Variants in METAP1 observed in about 807,000 individuals in gnomAD.
The protein encoded by METAP1 is methionine aminopeptidase 1.
In METAP1, 28 loss-of-function variants were observed where a neutral mutation model predicts 53.8. The ratio of observed to expected loss-of-function variants is 0.52; its 90% CI spans 0.39 to 0.71. The LOEUF (loss-of-function observed/expected upper bound fraction) is 0.71, where lower values mean the gene tolerates loss of function less well. Ranked by LOEUF, METAP1 falls within the 30% of genes least tolerant of loss-of-function variation. The pLI, the probability that METAP1 is intolerant of heterozygous loss-of-function variation, is 0.00. For synonymous variants in METAP1, 181 were observed against 165.7 expected (o/e 1.09, Z -0.71); for missense variants, 389 against 479.8 (o/e 0.81, Z 1.77).
At chr4:99,014,852 C>A (rs993172462) in intron 1 of METAP1, among the ~76,000 whole-genome samples, 1 of 152,160 alleles carries the variant, frequency 6.6e-6, no homozygotes, top group African/African-American at 2.4e-5. Context: ...GCCTTACCTC[C>A]CTGCATCCTG....
chr4:99,023,016 G>A, intron 1 of METAP1: 1 of 1,448,054 alleles, frequency 6.9e-7, no homozygotes, highest in Non-Finnish European at 9.3e-7. Context: ...CCCGCTTCTT[G>A]CTGCCACAGG....
rs1422026299 is a variant in METAP1 at position 99,039,128 on chromosome 4, T to C, written c.341-246T>C. On this transcript the variant is annotated intron_variant, in intron 4 of 10. Transcript: ENST00000296411. ...GCATATAATAAGTACTCTATAAGTA[T>C]TGGCTGATTTCTAATAGGTCTGAAA... is the stretch of plus-strand genomic sequence containing the variant. 2.3e-5 allele frequency: 8 copies of C among 349,682 alleles called. No homozygotes were observed. The East Asian group carries it at 3.7e-4, about 16-fold the overall frequency. 21.7% of individuals were successfully genotyped at this position (349,682 alleles called of 1,614,324 possible).
At chr4:99,043,144 A>G in intron 6 of METAP1, 105 bp from the exon 7 acceptor site, 2 of 781,244 alleles carry the variant, frequency 2.6e-6, no homozygotes, top group Non-Finnish European at 4.0e-6. Flanking sequence ...AGTTCTTCAT[A>G]GTAGCATGTG....
chr4:99,057,890 G>A lies in METAP1; in HGVS notation c.997+72G>A, dbSNP rs930411270. 8.3e-6 allele frequency: 11 copies of A among 1,331,544 alleles called. No homozygotes were observed. The African/African-American group carries it at 1.6e-4, about 19-fold the overall frequency. 82.5% of individuals were successfully genotyped at this position (1,331,544 alleles called of 1,614,324 possible). On this transcript the variant is annotated intron_variant, in intron 10 of 10. Coordinates refer to ENST00000296411, the MANE Select transcript of METAP1 (RefSeq NM_015143.3). ...ATTTTAGGTAATTCATCATGTCAGT[G>A]GTCTTTTCTACCTGCTTGCTTTTTG...
At chr4:99,001,058 G>A (rs375649333) in intron 1 of METAP1, among the ~76,000 whole-genome samples, 23 of 152,298 alleles carry the variant, frequency 1.5e-4, no homozygotes, top group African/African-American at 5.3e-4. Flanking sequence ...AGGAATTGCC[G>A]TTATAACATG....
chr4:99,007,442 A>G (rs1420851832), intron 1 of METAP1, among the ~76,000 whole-genome samples: 1 of 151,902 alleles, frequency 6.6e-6, no homozygotes, highest in Non-Finnish European at 1.5e-5. Context: ...GAGAGTATGC[A>G]TTTTCTCAAC....
In METAP1 at chr4:98,995,798, C is replaced by T; in HGVS notation, c.45C>T (p.Ser15=). The stretch of plus-strand genomic sequence containing the variant: ...GGGTGTGCGAGACAGACGGCTGCAG[C>T]AGTGAGGCCAAGCTCCAGTGTCCCA... ...ETRVCETDGC[S]SEAKLQCPTC... is the part of the protein sequence containing the mutation. The change falls in exon 1 of 11, where the codon AGC becomes AGT. Residue 15 remains serine (S), a synonymous_variant. Coordinates refer to ENST00000296411, the MANE Select transcript of METAP1 (RefSeq NM_015143.3). 6.5e-7 allele frequency: 1 copy of T among 1,546,826 alleles called. No homozygotes were observed. The highest frequency in any genetic ancestry group is 8.7e-7 in the Non-Finnish European group (1 of 1,144,828).
At chr4:99,019,225 G>A (rs897223505) in intron 1 of METAP1, among the ~76,000 whole-genome samples, 2 of 152,162 alleles carry the variant, frequency 1.3e-5, no homozygotes, top group Non-Finnish European at 2.9e-5. Flanking sequence ...AAAAGCGTAA[G>A]GAAGAACAAG....
chr4:99,051,566 A>G (rs1472462043), intron 9 of METAP1, among the ~76,000 whole-genome samples: 1 of 151,670 alleles, frequency 6.6e-6, no homozygotes. Flanking sequence ...TAATTTTTAT[A>G]TTTTTGTAGA....
intron 7 of METAP1, 51 bp from the exon 8 acceptor site, chr4:99,045,128 A>C: frequency 6.4e-7 from 1 of 1,570,506 alleles, no homozygotes; most frequent in South Asian, 1.2e-5. Flanking sequence ...AAACACTTGA[A>C]TTTTGAAATG....
At chr4:99,023,703 G>A (rs1020624) in intron 1 of METAP1, 728,532 of 985,198 alleles carry the variant, frequency 0.74, 270,414 homozygotes, top group East Asian at 0.99. Flanking sequence ...GGGGAGATAT[G>A]TTGTGAAGCC....
intron 10 of METAP1, among the ~76,000 whole-genome samples, chr4:99,058,943 A>G (rs968370478): frequency 9.9e-5 from 15 of 152,278 alleles, no homozygotes; most frequent in African/African-American, 3.1e-4. Context: ...ACAAATGTGC[A>G]GTAAAGTTTT....
chr4:99,014,342 A>C (rs1181148202), intron 1 of METAP1, among the ~76,000 whole-genome samples: 1 of 152,154 alleles, frequency 6.6e-6, no homozygotes, highest in Non-Finnish European at 1.5e-5. Flanking sequence ...ATCATTACGC[A>C]AACACCACCT....
intron 2 of METAP1, among the ~76,000 whole-genome samples, chr4:99,030,028 A>G (rs572507332): frequency 6.6e-6 from 1 of 152,270 alleles, no homozygotes; most frequent in East Asian, 1.9e-4. Flanking sequence ...AAATTTAGAG[A>G]TGGATTTAAA....
chr4:99,049,459 A>G (rs926467641), intron 9 of METAP1, among the ~76,000 whole-genome samples: 3 of 152,206 alleles, frequency 2.0e-5, no homozygotes, highest in African/African-American at 7.2e-5. Context: ...TGTTTAATGT[A>G]TGTCAGATCC....
At chr4:99,010,312 G>C (rs1035364869) in intron 1 of METAP1, among the ~76,000 whole-genome samples, 38 of 152,192 alleles carry the variant, frequency 2.5e-4, no homozygotes, top group African/African-American at 8.9e-4. Context: ...AAATTAGCCA[G>C]GCGTGTTGGC....
intron 1 of METAP1, among the ~76,000 whole-genome samples, chr4:99,015,178 G>A (rs552920091): frequency 9.2e-5 from 14 of 152,268 alleles, no homozygotes; most frequent in Admixed American, 7.2e-4. Flanking sequence ...TATTTAATCC[G>A]TTTTAACCAG....
intron 6 of METAP1, among the ~76,000 whole-genome samples, chr4:99,041,507 C>T (rs1725865231): frequency 6.6e-6 from 1 of 151,788 alleles, no homozygotes; most frequent in Non-Finnish European, 1.5e-5. Flanking sequence ...TAAATGTTTC[C>T]TCAAGGCAAT....
intron 1 of METAP1, among the ~76,000 whole-genome samples, chr4:99,013,186 C>A (rs890724429): frequency 6.6e-6 from 1 of 151,976 alleles, no homozygotes; most frequent in African/African-American, 2.4e-5. Context: ...TTTTTTAAAA[C>A]CTAAGACATT....
Sources: gnomAD v4.1 joint callset for allele counts (sites outside exome capture counted in the v4.1 genomes callset) on GRCh38, gnomAD v4.1.1 for gene constraint, MANE v1.5 for transcripts, NCBI Gene and HGNC (gene_info 2026-07-23, HGNC 2026-07-21) for gene names.